Variants in NEGR1 observed in about 807,000 individuals in gnomAD.
NEGR1 encodes the protein IgLON family member 4.
In NEGR1, 10 loss-of-function variants were observed where a neutral mutation model predicts 40.9. The observed-to-expected ratio is 0.24, with a 90% CI of 0.15 to 0.42. NEGR1 has a LOEUF of 0.42. NEGR1 is among the 10% of genes least tolerant of loss of function. The pLI is 1.00. For synonymous variants in NEGR1, 185 were observed against 166.8 expected (o/e 1.11, Z -0.84); for missense variants, 352 against 438.9 (o/e 0.80, Z 1.77).
chr1:72,241,327 GGTCCAGATTT>G (rs1163055792), intron 1 of NEGR1, among the ~76,000 whole-genome samples: 1 of 150,896 alleles, frequency 6.6e-6, no homozygotes, highest in African/African-American at 2.4e-5. Context: ...TATTCAGAAG[GGTCCAGATTT>G]GTGGATACCT....
chr1:71,473,075 A>G (rs1177412660), intron 6 of NEGR1, among the ~76,000 whole-genome samples: 4 of 152,168 alleles, frequency 2.6e-5, no homozygotes, highest in African/African-American at 9.6e-5. Flanking sequence ...AGGCTTTAGC[A>G]CTTGTCTAAA....
At chr1:72,091,378 T>TCCTCCTTTCCTCCCTC in intron 1 of NEGR1, among the ~76,000 whole-genome samples, 1 of 126,270 alleles carries the variant, frequency 7.9e-6, no homozygotes, top group Middle Eastern at 3.9e-3. Flanking sequence ...CTCCCTCCGT[T>TCCTCCTTTCCTCCCTC]CCTCCTTTCC....
intron 2 of NEGR1, among the ~76,000 whole-genome samples, chr1:71,870,576 G>A (rs1352637262): frequency 3.3e-5 from 5 of 152,178 alleles, no homozygotes; most frequent in African/African-American, 1.2e-4. Flanking sequence ...CAGGTGGGGA[G>A]TGCAGTTAAG....
At chr1:71,985,531 C>G (rs1438727740) in intron 1 of NEGR1, among the ~76,000 whole-genome samples, 1 of 151,914 alleles carries the variant, frequency 6.6e-6, no homozygotes, top group Non-Finnish European at 1.5e-5. Flanking sequence ...TGTGGGAAGC[C>G]TCATACTGGG....
At chr1:72,238,021 C>T (rs934381847) in intron 1 of NEGR1, among the ~76,000 whole-genome samples, 7 of 151,852 alleles carry the variant, frequency 4.6e-5, no homozygotes, top group Admixed American at 6.6e-5. Flanking sequence ...ACCTTGAAAA[C>T]CATATTTCAT....
intron 1 of NEGR1, among the ~76,000 whole-genome samples, chr1:72,074,148 T>C (rs1309536436): frequency 4.6e-5 from 7 of 152,068 alleles, no homozygotes; most frequent in Admixed American, 3.3e-4. Flanking sequence ...ATATGTCTTA[T>C]AATAGATGAC....
At chr1:72,197,943 TTGTA>T (rs1239440524) in intron 1 of NEGR1, among the ~76,000 whole-genome samples, 8 of 152,092 alleles carry the variant, frequency 5.3e-5, no homozygotes, top group Admixed American at 4.6e-4. Context: ...GCATTTTTTG[TTGTA>T]TGTGTCAAGG....
intron 1 of NEGR1, among the ~76,000 whole-genome samples, chr1:72,076,561 T>C (rs562560393): frequency 1.5e-5 from 2 of 131,508 alleles, no homozygotes; most frequent in South Asian, 5.5e-4. Context: ...ACACCACTGG[T>C]GATGCTATTC....
intron 1 of NEGR1, among the ~76,000 whole-genome samples, chr1:72,177,619 A>T (rs1353293587): frequency 6.6e-6 from 1 of 152,034 alleles, no homozygotes; most frequent in Non-Finnish European, 1.5e-5. Flanking sequence ...TAATTTTCTT[A>T]CATAAAACAT....
In NEGR1 at chr1:71,854,092, T is replaced by C. The variant is rs577928625; in HGVS notation, c.410-77795A>G. Among the ~76,000 whole-genome samples, 4 of 152,252 alleles carry C rather than the reference T, an allele frequency of 2.6e-5. No homozygotes were observed. The South Asian group carries it at 8.3e-4, about 32-fold the overall frequency. On this transcript the variant is annotated intron_variant, in intron 2 of 6. Transcript: ENST00000357731. ...AAAGTTAATTTAATGTCATGTATAT[T>C]TACTTTTACACATTTTGTTCATTTT...
At chr1:72,114,168 T>C (rs193111099) in intron 1 of NEGR1, among the ~76,000 whole-genome samples, 2 of 148,456 alleles carry the variant, frequency 1.3e-5, no homozygotes, top group Non-Finnish European at 3.0e-5. Context: ...TCTGAGGGTA[T>C]TTTTTTTTAG....
At chr1:71,523,374 T>A (rs912480264) in intron 6 of NEGR1, among the ~76,000 whole-genome samples, 6 of 151,956 alleles carry the variant, frequency 3.9e-5, no homozygotes, top group African/African-American at 1.4e-4. Flanking sequence ...TCAGACTCTC[T>A]GAACTTCAAA....
At chr1:71,894,239 G>GAA (rs201115661) in intron 2 of NEGR1, among the ~76,000 whole-genome samples, 20 of 128,152 alleles carry the variant, frequency 1.6e-4, no homozygotes, top group African/African-American at 5.6e-4. Context: ...AATAAAAAAA[G>GAA]AAAAAAAAAA....
intron 1 of NEGR1, among the ~76,000 whole-genome samples, chr1:72,018,358 T>G (rs1197178280): frequency 6.6e-6 from 1 of 152,116 alleles, no homozygotes; most frequent in Admixed American, 6.5e-5. Flanking sequence ...TTTCAGGTAT[T>G]TTTAACTTGG....
At chr1:71,671,747 C>A (rs542080093) in intron 4 of NEGR1, among the ~76,000 whole-genome samples, 1 of 152,248 alleles carries the variant, frequency 6.6e-6, no homozygotes, top group South Asian at 2.1e-4. Context: ...TCTTTGACTG[C>A]AACTGTACTT....
chr1:72,261,964 C>A (rs1347540797), intron 1 of NEGR1, among the ~76,000 whole-genome samples: 1 of 152,114 alleles, frequency 6.6e-6, no homozygotes, highest in East Asian at 1.9e-4. Flanking sequence ...TTTGCCATTA[C>A]ACAGTATCTC....
intron 1 of NEGR1, among the ~76,000 whole-genome samples, chr1:72,224,878 G>A (rs1364104546): frequency 3.3e-5 from 5 of 151,978 alleles, no homozygotes; most frequent in Non-Finnish European, 7.4e-5. Context: ...GCAAAGATAC[G>A]CATAATTCTT....
intron 2 of NEGR1, among the ~76,000 whole-genome samples, chr1:71,929,713 T>A (rs571995336): frequency 2.6e-5 from 4 of 151,798 alleles, no homozygotes; most frequent in African/African-American, 9.7e-5. Flanking sequence ...TATTTTTTCA[T>A]GCTTTTTTCA....
chr1:71,814,560 A>G (rs1006587106), intron 2 of NEGR1, among the ~76,000 whole-genome samples: 2 of 152,074 alleles, frequency 1.3e-5, no homozygotes, highest in African/African-American at 4.8e-5. Context: ...TATGGTTGGC[A>G]GGCTATTTAT....
Sources: gnomAD v4.1 joint callset for allele counts (sites outside exome capture counted in the v4.1 genomes callset) on GRCh38, gnomAD v4.1.1 for gene constraint, MANE v1.5 for transcripts, NCBI Gene and HGNC (gene_info 2026-07-23, HGNC 2026-07-21) for gene names.